Variants in SPARCL1 observed in about 807,000 individuals in gnomAD.
SPARCL1 encodes SPARC-like protein 1.
Under a neutral mutation model 67.1 loss-of-function variants are expected in SPARCL1, and 52 were observed. That is an observed-to-expected ratio of 0.78 (90% CI 0.62 to 0.98). SPARCL1 has a LOEUF of 0.98. SPARCL1 is among the 50% of genes least tolerant of loss of function. The pLI is 0.00. For synonymous variants in SPARCL1, 226 were observed against 267.8 expected, an observed-to-expected ratio of 0.84 and a Z score of 1.52; for missense variants, 717 against 782.4, an observed-to-expected ratio of 0.92 and a Z score of 1.00.
chr4:87,495,072 G>T lies in SPARCL1; in HGVS notation c.110C>A (p.Pro37His). 6.2e-7 allele frequency: 1 copy of T among 1,611,882 alleles called. No individual in the cohort carries two copies. The highest frequency in any genetic ancestry group is 1.1e-5 in the South Asian group (1 of 90,420). Reference sequence around the variant, plus strand: ...TAAACTGGGGATTGCAGTGTTGTCAGGTGCTACCGTTTCAGCAGTTGGTTT... The same window carrying T: ...TAAACTGGGGATTGCAGTGTTGTCATGTGCTACCGTTTCAGCAGTTGGTTT... ...HSKPTAETVA[P>H]DNTAIPSLRA... The change falls in exon 3 of 11, where the codon CCT (proline) becomes CAT (histidine). Residue 37 changes from proline to histidine, a missense_variant. By Grantham distance (77) the Pro-to-His change is moderately conservative. Transcript: ENST00000282470.
At chr4:87,477,103 C>A (rs755731228) in intron 10 of SPARCL1, among the ~76,000 whole-genome samples, 1 of 152,178 alleles carries the variant, frequency 6.6e-6, no homozygotes, top group Admixed American at 6.5e-5. Flanking sequence ...GGATTTTAAG[C>A]CCTTCCTGCT....
At chr4:87,499,470 G>T in intron 2 of SPARCL1, 51 bp downstream of exon 2, 2 of 1,376,974 alleles carry the variant, frequency 1.5e-6, no homozygotes, top group Non-Finnish European at 2.1e-6. Context: ...GAGGATTTCT[G>T]CATTAAATGT....
intron 9 of SPARCL1, 24 bp from the exon 10 acceptor site, chr4:87,479,602 T>G (rs1391771902): frequency 6.2e-7 from 1 of 1,610,572 alleles, no homozygotes; most frequent in Non-Finnish European, 8.5e-7. Context: ...CATGGCATCC[T>G]ATTAATTGAG....
chr4:87,520,031 G>A (rs183646418), intron 1 of SPARCL1, among the ~76,000 whole-genome samples: 1 of 152,176 alleles, frequency 6.6e-6, no homozygotes, highest in East Asian at 1.9e-4. Flanking sequence ...CTTGAGGCCA[G>A]AAGTTCAAGA....
chr4:87,491,707 GC>G lies in SPARCL1; in HGVS notation c.1219-18del. On this transcript the variant is annotated intron_variant, in intron 4 of 10. Transcript: ENST00000282470. Reference sequence around the variant, plus strand: ...TTTCTTGGCCTTTAGAATAACAAGAGCAAAAGTTAAAATCTACTAAGAGGAG... The same window carrying G: ...TTTCTTGGCCTTTAGAATAACAAGAGAAAAGTTAAAATCTACTAAGAGGAG... 1 of 1,587,122 alleles carries G rather than the reference GC, an allele frequency of 6.3e-7. No homozygotes were observed. Among genetic ancestry groups the G allele is most frequent in the Non-Finnish European group, 8.6e-7 (1 of 1,156,128 alleles).
intron 1 of SPARCL1, among the ~76,000 whole-genome samples, chr4:87,514,735 T>C (rs1725513071): frequency 6.6e-6 from 1 of 152,238 alleles, no homozygotes; most frequent in Non-Finnish European, 1.5e-5. Context: ...TCATGGCCTT[T>C]AGCTTCTTAT....
intron 9 of SPARCL1, among the ~76,000 whole-genome samples, chr4:87,479,968 C>G (rs963893762): frequency 4.6e-5 from 7 of 151,560 alleles, no homozygotes; most frequent in Admixed American, 2.0e-4. Context: ...CTGTGGGAAG[C>G]TGGACCTTAA....
Position 87,491,690 on chromosome 4 carries a change from C to T in SPARCL1, c.1219G>A (p.Ala407Thr). 1 of 1,611,280 alleles carries T rather than the reference C, an allele frequency of 6.2e-7. No individual in the cohort carries two copies. Among genetic ancestry groups the T allele is most frequent in the Non-Finnish European group, 8.5e-7 (1 of 1,177,654 alleles). ...GTTEPGEHQE[A>T]KKAENSSNEE... is the part of the protein sequence containing the mutation. ...TTTGATGAGTTCTCTGCTTTCTTGG[C>T]CTTTAGAATAACAAGAGCAAAAGTT... Residue 407 changes from alanine (A) to threonine (T), a missense_variant and splice_region_variant, in exon 5 of 11, where the codon GCC becomes ACC. Transcript: ENST00000282470.
chr4:87,517,790 A>G (rs944187366), intron 1 of SPARCL1, among the ~76,000 whole-genome samples: 2 of 152,244 alleles, frequency 1.3e-5, no homozygotes, highest in African/African-American at 4.8e-5. Context: ...TGAATGGACC[A>G]AGAATTATTT....
At chr4:87,490,932 A>G in intron 5 of SPARCL1, 54 bp from the exon 6 acceptor site, 3 of 1,062,420 alleles carry the variant, frequency 2.8e-6, no homozygotes, top group East Asian at 5.1e-5. Flanking sequence ...GAGTATGTAA[A>G]TACAAATTCA....
At chr4:87,475,251 A>G (rs1268294952) in intron 10 of SPARCL1, among the ~76,000 whole-genome samples, 1 of 151,628 alleles carries the variant, frequency 6.6e-6, no homozygotes, top group Non-Finnish European at 1.5e-5. Context: ...CACCAGAACT[A>G]CTCTAACCAA....
intron 1 of SPARCL1, among the ~76,000 whole-genome samples, chr4:87,507,859 A>G (rs1725164409): frequency 6.6e-6 from 1 of 152,186 alleles, no homozygotes; most frequent in Admixed American, 6.5e-5. Context: ...GGTTCGATTA[A>G]TTTGCTAGAG....
At chr4:87,500,786 GCGCGCA>G (rs1724810774) in intron 1 of SPARCL1, among the ~76,000 whole-genome samples, 1 of 104,332 alleles carries the variant, frequency 9.6e-6, no homozygotes, top group Non-Finnish European at 1.9e-5. Flanking sequence ...ACACACGTAC[GCGCGCA>G]CGCACATACG....
chr4:87,502,196 T>C lies in SPARCL1; in HGVS notation c.-11-2611A>G, dbSNP rs148396357. Among the ~76,000 whole-genome samples the C allele has an allele frequency of 1.4e-3, 216 of 152,304 alleles. 1 individual carries two copies. Among genetic ancestry groups the C allele is most frequent in the South Asian group, 0.011 (51 of 4,830 alleles). ...GACAAATAACAATTATACATATTCA[T>C]GGGGTACATAGTGATGCTTCACTAC... On this transcript the variant is annotated intron_variant, in intron 1 of 10. Coordinates refer to ENST00000282470, the MANE Select transcript of SPARCL1 (RefSeq NM_004684.6).
At chr4:87,526,713 C>T (rs1350927225) in intron 1 of SPARCL1, among the ~76,000 whole-genome samples, 1 of 152,170 alleles carries the variant, frequency 6.6e-6, no homozygotes, top group African/African-American at 2.4e-5. Context: ...TATTATAGAG[C>T]AAAACGTATA....
chr4:87,525,245 A>T (rs988378234), intron 1 of SPARCL1, among the ~76,000 whole-genome samples: 1 of 152,180 alleles, frequency 6.6e-6, no homozygotes, highest in Non-Finnish European at 1.5e-5. Flanking sequence ...TCCTGAGCTT[A>T]GCAGCCAACC....
chr4:87,527,662 C>T (rs1286272149), intron 1 of SPARCL1, among the ~76,000 whole-genome samples: 1 of 152,076 alleles, frequency 6.6e-6, no homozygotes, highest in Non-Finnish European at 1.5e-5. Flanking sequence ...TGCCAGCACT[C>T]TAATTGCTCA....
chr4:87,499,384 A>G (rs1724753748), intron 2 of SPARCL1, 137 bp downstream of exon 2: 1 of 799,780 alleles, frequency 1.3e-6, no homozygotes, highest in Non-Finnish European at 2.0e-6. Context: ...TTTGTTTGTT[A>G]CTTGGGCAAT....
At chr4:87,486,212 T>C (rs1052261908) in intron 7 of SPARCL1, among the ~76,000 whole-genome samples, 3 of 152,044 alleles carry the variant, frequency 2.0e-5, no homozygotes, top group Non-Finnish European at 2.9e-5. Context: ...TGGTGGTATA[T>C]ATTTCCCTCT....
Sources: allele counts gnomAD v4.1 joint callset (sites outside exome capture counted in the v4.1 genomes callset), GRCh38; gene constraint gnomAD v4.1.1; transcripts MANE v1.5; gene names NCBI Gene and HGNC (gene_info 2026-07-23, HGNC 2026-07-21).